PCDHGB1: variants seen among roughly 807,000 people sequenced by gnomAD.
The protein encoded by PCDHGB1 is protocadherin gamma-B1.
In PCDHGB1, 34 loss-of-function variants were observed where a neutral mutation model predicts 56.6. The observed-to-expected ratio is 0.60, with a 90% confidence interval of 0.46 to 0.80. The LOEUF (loss-of-function observed/expected upper bound fraction) is 0.80, where lower values mean the gene tolerates loss of function less well. Among genes scored for constraint, PCDHGB1 ranks in the 30% least tolerant of loss-of-function variants. PCDHGB1 has a pLI of 0.00. For missense variants in PCDHGB1, 1,278 were observed against 1,204.6 expected, an observed-to-expected ratio of 1.06 and a Z score of -0.90; for synonymous variants, 561 against 505.9, an observed-to-expected ratio of 1.11 and a Z score of -1.46.
At chr5:141,422,287 A>G in intron 1 of PCDHGB1, 3 of 1,553,500 alleles carry the variant, frequency 1.9e-6, no homozygotes, top group South Asian at 1.3e-5. Context: ...CACCTCTTCT[A>G]TTAATTCAAT....
At chr5:141,472,113 A>C (rs1296591849) in intron 1 of PCDHGB1, among the ~76,000 whole-genome samples, 1 of 152,260 alleles carries the variant, frequency 6.6e-6, no homozygotes, top group Non-Finnish European at 1.5e-5. Context: ...ATACATAAAG[A>C]AAATAAAAGA....
chr5:141,433,256 C>T, intron 1 of PCDHGB1: 2 of 1,385,666 alleles, frequency 1.4e-6, no homozygotes, highest in Non-Finnish European at 2.0e-6. Context: ...TGCAGCGGTA[C>T]GATCATAGCT....
At chr5:141,374,974 G>A in intron 1 of PCDHGB1, 2 of 1,613,958 alleles carry the variant, frequency 1.2e-6, no homozygotes, top group Non-Finnish European at 1.7e-6. Context: ...TGAATGTTTT[G>A]ACTGGAGAAA....
At chr5:141,478,963 A>G (rs193236728) in intron 1 of PCDHGB1, among the ~76,000 whole-genome samples, 5 of 152,322 alleles carry the variant, frequency 3.3e-5, no homozygotes, top group East Asian at 1.9e-4. Context: ...TCATTCCTCC[A>G]CCTTTCAAGT....
chr5:141,408,372 G>A, intron 1 of PCDHGB1: 2 of 1,614,024 alleles, frequency 1.2e-6, no homozygotes, highest in African/African-American at 1.3e-5. Flanking sequence ...CTAGGGCTCA[G>A]TGTCCTGGAT....
In PCDHGB1 at chr5:141,352,244, G is replaced by C. The variant is rs763362885; in HGVS notation, c.1984G>C (p.Asp662His). 22 of 1,613,980 alleles carry C rather than the reference G, an allele frequency of 1.4e-5. No homozygotes were observed. The highest frequency in any genetic ancestry group is 3.4e-6 in the Non-Finnish European group (4 of 1,179,914). Residue 662 changes from aspartate (D) to histidine (H), a missense_variant, in exon 1 of 4, where the codon GAT (aspartate) becomes CAT (histidine). By Grantham distance (81) the Asp-to-His change is moderately conservative. Transcript: ENST00000523390. ...CGCCACGCTGCACCTAATCTTCGCG[G>C]ATAGCCTGCAAGAGGTATTGCCAGA... ...ATATLHLIFA[D>H]SLQEVLPDLS...
chr5:141,508,479 T>G (rs1361434920), intron 3 of PCDHGB1, among the ~76,000 whole-genome samples: 1 of 152,152 alleles, frequency 6.6e-6, no homozygotes, highest in Non-Finnish European at 1.5e-5. Flanking sequence ...TCTTTTACAT[T>G]CTGGATTTCC....
chr5:141,494,818 C>T lies in PCDHGB1; in HGVS notation c.2421C>T (p.Pro807=). The part of the protein sequence containing the change: ...DPSLSSHQAP[P]NTDWRFSQAQ... ...TGTTTTCTCCACAGCAAGCCCCGCCCAACACGGACTGGCGTTTCTCTCAGG... is the reference window on the plus strand; with the variant it reads ...TGTTTTCTCCACAGCAAGCCCCGCCTAACACGGACTGGCGTTTCTCTCAGG... Residue 807 remains proline (P), a synonymous_variant, in exon 2 of 4, where the codon CCC becomes CCT. Transcript: ENST00000523390. 1.9e-6 allele frequency: 3 copies of T among 1,614,152 alleles called. No homozygotes were observed. The highest frequency in any genetic ancestry group is 2.2e-5 in the South Asian group (2 of 91,074).
At chr5:141,450,292 C>T (rs1310226132) in intron 1 of PCDHGB1, among the ~76,000 whole-genome samples, 2 of 152,066 alleles carry the variant, frequency 1.3e-5, no homozygotes, top group African/African-American at 2.4e-5. Context: ...GGATTACAGG[C>T]GTGAGCCACC....
chr5:141,355,069 G>A (rs1759706745), intron 1 of PCDHGB1: 1 of 1,342,004 alleles, frequency 7.5e-7, no homozygotes, highest in Non-Finnish European at 1.0e-6. Flanking sequence ...GGAGCTTTAT[G>A]AAAGCTTCAA....
chr5:141,398,783 A>G (rs1300541880), intron 1 of PCDHGB1: 4 of 1,613,944 alleles, frequency 2.5e-6, no homozygotes, highest in Non-Finnish European at 3.4e-6. Flanking sequence ...GACGGTGGAC[A>G]TCCACCCCTA....
At chr5:141,355,267 C>G (rs1302079663) in intron 1 of PCDHGB1, 1 of 1,613,540 alleles carries the variant, frequency 6.2e-7, no homozygotes, top group African/African-American at 1.3e-5. Flanking sequence ...CCTGGGGGTT[C>G]TGGTGGAAAT....
chr5:141,510,510 G>A (rs1042950478), intron 3 of PCDHGB1, among the ~76,000 whole-genome samples: 5 of 152,132 alleles, frequency 3.3e-5, no homozygotes, highest in Non-Finnish European at 5.9e-5. Context: ...CTGAGAGCCC[G>A]TGTCACAGCC....
At chr5:141,388,439 A>G (rs1209677690) in intron 1 of PCDHGB1, 10 of 1,613,896 alleles carry the variant, frequency 6.2e-6, no homozygotes, top group Non-Finnish European at 8.5e-6. Context: ...ATAAAGAGAA[A>G]TCAGATGGCA....
intron 1 of PCDHGB1, chr5:141,355,058 T>C (rs1759702915): frequency 1.6e-6 from 2 of 1,271,556 alleles, no homozygotes; most frequent in Non-Finnish European, 1.1e-6. Context: ...GCACTGGCTC[T>C]GGAGCTTTAT....
chr5:141,362,699 T>C, intron 1 of PCDHGB1: 2 of 1,033,006 alleles, frequency 1.9e-6, no homozygotes, highest in Non-Finnish European at 2.7e-6. Flanking sequence ...TCTAACTGAA[T>C]TTTAAGTGTT....
chr5:141,371,255 A>G lies in PCDHGB1; in HGVS notation c.2409+18586A>G, dbSNP rs1442083388. The G allele has an allele frequency of 1.9e-6, 3 of 1,614,036 alleles. 1 individual carries two copies. The South Asian group carries it at 3.3e-5, about 18-fold the overall frequency. On this transcript the variant is annotated intron_variant, in intron 1 of 3. Transcript: ENST00000523390. ...ATGCCTTCATCAATATTGGCAAGGA[A>G]GTGAGACAACTGTTCAAGCTGGACA...
chr5:141,423,106 G>T lies in PCDHGB1; in HGVS notation c.2409+70437G>T, dbSNP rs562864937. On this transcript the variant is annotated intron_variant, in intron 1 of 3. Coordinates refer to ENST00000523390, the MANE Select transcript of PCDHGB1 (RefSeq NM_018922.3). ...CGCGGTGGGGGAGCACACGGGCGAGGTGCGTACAGCGCGGGCACTGCTGGA... is the reference window on the plus strand; with the variant it reads ...CGCGGTGGGGGAGCACACGGGCGAGTTGCGTACAGCGCGGGCACTGCTGGA... The T allele has an allele frequency of 1.2e-5, 19 of 1,613,894 alleles. No individual in the cohort carries two copies. The African/African-American group carries it at 2.1e-4, about 18-fold the overall frequency.
At chr5:141,376,180 G>A (rs113596971) in intron 1 of PCDHGB1, 2 of 1,614,100 alleles carry the variant, frequency 1.2e-6, no homozygotes, top group Non-Finnish European at 8.5e-7. Context: ...CGGTGGCCGC[G>A]GTCTCCTGCG....
Sources: allele counts gnomAD v4.1 joint callset (sites outside exome capture counted in the v4.1 genomes callset), GRCh38; gene constraint gnomAD v4.1.1; transcripts MANE v1.5; gene names NCBI Gene and HGNC (gene_info 2026-07-23, HGNC 2026-07-21).